Variants in EVL observed in about 807,000 individuals in gnomAD.
The protein encoded by EVL is Enah/Vasp-like.
In EVL, 21 loss-of-function variants were observed where a neutral mutation model predicts 59.6. The ratio of observed to expected loss-of-function variants is 0.35; its 90% CI spans 0.25 to 0.51. The LOEUF (loss-of-function observed/expected upper bound fraction) is 0.51. Among genes scored for constraint, EVL ranks in the 20% least tolerant of loss-of-function variants. The pLI is 0.97. For missense variants in EVL, 462 were observed against 546.6 expected (o/e 0.85, Z 1.54); for synonymous variants, 198 against 203.5 (o/e 0.97, Z 0.23).
At chr14:100,019,306 G>T (rs1439175993) in intron 1 of EVL, 2 of 237,254 alleles carry the variant, frequency 8.4e-6, no homozygotes, top group East Asian at 1.8e-4. Context: ...GTTCTGGTAG[G>T]GGGTGGGATG....
intron 9 of EVL, chr14:100,137,143 C>T (rs562671096): frequency 5.1e-6 from 1 of 196,010 alleles, no homozygotes; most frequent in African/African-American, 2.3e-5. Context: ...AAAGACAAGC[C>T]AGCCAGAATG....
intron 1 of EVL, among the ~76,000 whole-genome samples, chr14:100,079,579 C>T (rs539815414): frequency 4.7e-4 from 72 of 152,286 alleles, no homozygotes; most frequent in Non-Finnish European, 2.9e-5. Context: ...AGGTCTACAT[C>T]CTGTGCTTTT....
intron 11 of EVL, chr14:100,138,731 G>C (rs1888966857): frequency 6.6e-6 from 1 of 152,440 alleles, no homozygotes; most frequent in African/African-American, 2.4e-5. Flanking sequence ...CTGTGGTCCT[G>C]AGGGGTGCTC....
chr14:100,071,074 AATGGAGACC>A (rs2062039567), intron 1 of EVL, among the ~76,000 whole-genome samples: 1 of 152,148 alleles, frequency 6.6e-6, no homozygotes. Flanking sequence ...TTCACAGAGT[AATGGAGACC>A]AGCTGTCCAG....
chr14:100,019,482 G>A (rs2061083699), intron 1 of EVL: 1 of 540,812 alleles, frequency 1.8e-6, no homozygotes. Context: ...CCGCTTGTCA[G>A]CAGCTGGCGG....
At chr14:99,986,381 C>T (rs371099224) in intron 1 of EVL, among the ~76,000 whole-genome samples, 5 of 152,080 alleles carry the variant, frequency 3.3e-5, no homozygotes, top group East Asian at 3.9e-4. Context: ...TTCAGGGTCC[C>T]GTTTATGAGC....
chr14:100,023,013 G>A (rs891315501), intron 1 of EVL, among the ~76,000 whole-genome samples: 5 of 152,146 alleles, frequency 3.3e-5, no homozygotes, highest in Non-Finnish European at 7.3e-5. Flanking sequence ...TGATGGTTGT[G>A]ATGATTTACT....
intron 3 of EVL, chr14:100,107,224 C>T (rs540753772): frequency 1.4e-3 from 554 of 398,714 alleles, no homozygotes; most frequent in Non-Finnish European, 2.0e-3. Flanking sequence ...ATCGTGTCAT[C>T]GTCTCCCATT....
At chr14:100,037,582 A>G (rs931985517) in intron 1 of EVL, among the ~76,000 whole-genome samples, 4 of 152,268 alleles carry the variant, frequency 2.6e-5, no homozygotes, top group Non-Finnish European at 4.4e-5. Flanking sequence ...GGTGTCCAGC[A>G]TGTGTTTCAA....
chr14:99,993,256 C>T (rs1158715390), intron 1 of EVL, among the ~76,000 whole-genome samples: 3 of 152,020 alleles, frequency 2.0e-5, no homozygotes, highest in Non-Finnish European at 4.4e-5. Flanking sequence ...GACAGGGTTT[C>T]ACGGTGTTAG....
intron 1 of EVL, among the ~76,000 whole-genome samples, chr14:99,990,196 A>G (rs1454367279): frequency 2.0e-5 from 3 of 152,174 alleles, no homozygotes; most frequent in Admixed American, 2.0e-4. Context: ...TCTTAATGAC[A>G]TCTAGAATGG....
At chr14:100,030,992 C>T (rs533948816) in intron 1 of EVL, among the ~76,000 whole-genome samples, 74 of 152,296 alleles carry the variant, frequency 4.9e-4, no homozygotes, top group Admixed American at 2.0e-3. Flanking sequence ...AGGTCTCTTC[C>T]GTGTAGGGAA....
chr14:100,033,808 C>CAA (rs1292363294), intron 1 of EVL, among the ~76,000 whole-genome samples: 1 of 152,218 alleles, frequency 6.6e-6, no homozygotes, highest in East Asian at 1.9e-4. Context: ...CAGCATCACA[C>CAA]AGAGCTGGCA....
At chr14:99,993,913 C>T (rs1341561712) in intron 1 of EVL, among the ~76,000 whole-genome samples, 6 of 151,376 alleles carry the variant, frequency 4.0e-5, no homozygotes, top group African/African-American at 1.5e-4. Context: ...AGGCTGGTCT[C>T]GAGCTCCTGA....
At position 100,026,738 on chromosome 14, in the gene EVL, G is replaced by A. The variant is rs566268122; in HGVS notation, c.5+54681G>A. Among the ~76,000 whole-genome samples, 8 of 152,260 alleles carry A rather than the reference G, an allele frequency of 5.3e-5. No homozygotes were observed. In the South Asian group the frequency reaches 8.3e-4, roughly 16 times the overall value. ...GCTCCTTGAGGTCAGAGAGAAGGTC[G>A]TCATCTTGTATCCCTACCAACTACT... is the stretch of plus-strand genomic sequence containing the variant. On this transcript the variant is annotated intron_variant, in intron 1 of 13. Coordinates refer to the EVL transcript ENST00000402714.
intron 1 of EVL, among the ~76,000 whole-genome samples, chr14:100,005,886 A>G (rs2060975636): frequency 6.6e-6 from 1 of 152,290 alleles, no homozygotes; most frequent in South Asian, 2.1e-4. Context: ...GAACTGCAGC[A>G]TGGGGCGACA....
chr14:100,132,027 CAGA>C (rs1888467573), intron 7 of EVL, among the ~76,000 whole-genome samples: 1 of 152,110 alleles, frequency 6.6e-6, no homozygotes. Context: ...TGAAAAGCCA[CAGA>C]AGCGTATCTC....
At chr14:100,075,577 C>T (rs2062143078) in intron 1 of EVL, among the ~76,000 whole-genome samples, 1 of 152,170 alleles carries the variant, frequency 6.6e-6, no homozygotes. Flanking sequence ...GAGCCCGGGC[C>T]AGAGGCACCA....
intron 1 of EVL, among the ~76,000 whole-genome samples, chr14:100,045,528 A>C (rs1170953753): frequency 6.6e-6 from 1 of 152,144 alleles, no homozygotes. Flanking sequence ...TTTGCAAAGC[A>C]CTTCTCATAT....
Sources: allele counts gnomAD v4.1 joint callset (sites outside exome capture counted in the v4.1 genomes callset), GRCh38; gene constraint gnomAD v4.1.1; transcripts MANE v1.5; gene names NCBI Gene and HGNC (gene_info 2026-07-23, HGNC 2026-07-21).